SDK1: variants seen among roughly 807,000 people sequenced by gnomAD.
The protein encoded by SDK1 is protein sidekick-1.
Under a neutral mutation model 245.5 loss-of-function variants are expected in SDK1, and 157 were observed. The ratio of observed to expected loss-of-function variants is 0.64; its 90% CI spans 0.56 to 0.73. The LOEUF is 0.73. Ranked by LOEUF, SDK1 falls within the 30% of genes least tolerant of loss-of-function variation. The pLI is 0.00. For missense variants in SDK1, 3,583 were observed against 3,002.3 expected (o/e 1.19, Z -4.52); for synonymous variants, 1,647 against 1,278.5 (o/e 1.29, Z -6.15).
chr7:3,893,742 C>T (rs1781520835), intron 5 of SDK1, among the ~76,000 whole-genome samples: 1 of 151,424 alleles, frequency 6.6e-6, no homozygotes, highest in South Asian at 2.1e-4. Flanking sequence ...TGCCCAGGGT[C>T]CCACATCTGT....
intron 1 of SDK1, among the ~76,000 whole-genome samples, chr7:3,474,091 G>GTTTTTTTTTTTT (rs869083123): frequency 4.6e-5 from 2 of 43,228 alleles, no homozygotes; most frequent in African/African-American, 1.0e-4. Flanking sequence ...ACCAGATGGT[G>GTTTTTTTTTTTT]TTTTTTTTTT....
intron 1 of SDK1, among the ~76,000 whole-genome samples, chr7:3,416,762 G>C (rs925726959): frequency 6.6e-6 from 1 of 152,172 alleles, no homozygotes; most frequent in African/African-American, 2.4e-5. Flanking sequence ...CTCTGGGGTT[G>C]TGTGTGACCA....
intron 36 of SDK1, among the ~76,000 whole-genome samples, chr7:4,207,356 G>A (rs1441774589): frequency 6.6e-5 from 10 of 152,176 alleles, no homozygotes; most frequent in Admixed American, 3.9e-4. Flanking sequence ...GGCACTGGTC[G>A]GAGGTAGCAG....
chr7:3,967,475 G>A, intron 10 of SDK1, 41 bp downstream of exon 10: 2 of 1,231,524 alleles, frequency 1.6e-6, no homozygotes, highest in Non-Finnish European at 2.4e-6. Context: ...GGCCCATGTA[G>A]AACATAACCT....
chr7:3,553,210 G>C (rs1174383742), intron 1 of SDK1, among the ~76,000 whole-genome samples: 1 of 152,002 alleles, frequency 6.6e-6, no homozygotes, highest in African/African-American at 2.4e-5. Flanking sequence ...AGTGATCTAA[G>C]AGCTTTAAAT....
At chr7:4,246,125 A>G (rs1786840758) in intron 44 of SDK1, among the ~76,000 whole-genome samples, 1 of 152,122 alleles carries the variant, frequency 6.6e-6, no homozygotes, top group African/African-American at 2.4e-5. Context: ...AGCAGTCTAG[A>G]TGCTCCAAGG....
At chr7:3,707,578 G>A (rs920508515) in intron 4 of SDK1, among the ~76,000 whole-genome samples, 2 of 152,176 alleles carry the variant, frequency 1.3e-5, no homozygotes, top group Non-Finnish European at 2.9e-5. Flanking sequence ...TTGTTCTACA[G>A]GAGTTTAAGT....
intron 5 of SDK1, among the ~76,000 whole-genome samples, chr7:3,885,807 A>C (rs928209803): frequency 1.3e-5 from 2 of 152,116 alleles, no homozygotes; most frequent in Admixed American, 1.3e-4. Flanking sequence ...TTTCCTCCCA[A>C]AGTTCAAAAT....
Position 3,995,923 on chromosome 7 carries a change from T to C in SDK1, c.2131+8601T>C, listed in dbSNP as rs1036195011. 5.3e-5 allele frequency among the ~76,000 whole-genome samples: 8 copies of C among 152,230 alleles called. No homozygotes were observed. In the East Asian group the frequency reaches 1.5e-3, roughly 29 times the overall value. On this transcript the variant is annotated intron_variant, in intron 14 of 44. Transcript: ENST00000404826. Reference sequence around the variant, plus strand: ...CATACAGAAGTGTTTGACTTTTACGTAGTTAAATCTATTGATGTTTTCCTT... The same window carrying C: ...CATACAGAAGTGTTTGACTTTTACGCAGTTAAATCTATTGATGTTTTCCTT...
At chr7:3,943,944 C>A (rs535678729) in intron 5 of SDK1, among the ~76,000 whole-genome samples, 2 of 152,116 alleles carry the variant, frequency 1.3e-5, no homozygotes, top group African/African-American at 4.8e-5. Flanking sequence ...ACCTGGCGCC[C>A]GTTGGTTGCT....
At chr7:3,778,313 G>C (rs1780624466) in intron 4 of SDK1, among the ~76,000 whole-genome samples, 1 of 152,100 alleles carries the variant, frequency 6.6e-6, no homozygotes, top group African/African-American at 2.4e-5. Context: ...GAAAAAGCAA[G>C]GTGATACTAT....
intron 1 of SDK1, among the ~76,000 whole-genome samples, chr7:3,446,159 C>T (rs1780335823): frequency 6.6e-6 from 1 of 152,070 alleles, no homozygotes; most frequent in South Asian, 2.1e-4. Context: ...TCATTTCTTT[C>T]TCAAGACATG....
chr7:4,098,366 G>A (rs940908754), intron 22 of SDK1, among the ~76,000 whole-genome samples: 3 of 152,108 alleles, frequency 2.0e-5, no homozygotes, highest in Admixed American at 6.5e-5. Flanking sequence ...ATATTTCCCC[G>A]TTCTTTCCGA....
chr7:4,042,537 A>T (rs1788709255), intron 17 of SDK1, among the ~76,000 whole-genome samples: 1 of 136,206 alleles, frequency 7.3e-6, no homozygotes, highest in Non-Finnish European at 1.5e-5. Flanking sequence ...CTGCTCAGTG[A>T]AAACCAGAAA....
In SDK1 at chr7:4,192,534, T is replaced by C. The variant is rs550108508; in HGVS notation, c.5099-13345T>C. 7.2e-5 allele frequency among the ~76,000 whole-genome samples: 11 copies of C among 152,248 alleles called. No homozygotes were observed. The East Asian group carries it at 1.7e-3, about 24-fold the overall frequency. ...TCGTGATCCACCCGCCTCGGCCTCC[T>C]GAAGTGCTGGGATTACAGGTGTGAG... On this transcript the variant is annotated intron_variant, in intron 35 of 44. Transcript: ENST00000404826.
chr7:3,521,714 G>A (rs1782946466), intron 1 of SDK1, among the ~76,000 whole-genome samples: 1 of 152,114 alleles, frequency 6.6e-6, no homozygotes, highest in South Asian at 2.1e-4. Flanking sequence ...TGATCAACTT[G>A]AACAAATAGG....
intron 28 of SDK1, among the ~76,000 whole-genome samples, chr7:4,143,804 C>G (rs754629351): frequency 6.4e-4 from 97 of 152,340 alleles, no homozygotes; most frequent in Admixed American, 2.2e-3. Context: ...CACTTTCTCG[C>G]TGGGGACCCA....
At position 4,026,079 on chromosome 7, in the gene SDK1, AC is replaced by A. The variant is rs1787323119; in HGVS notation, c.2602+8730del. ...GCGTTGGGGAGGTATGCCACTCAGC[AC>A]CCTGGACACGCCAGGCCGCAGCGCT... On this transcript the variant is annotated intron_variant, in intron 17 of 44. Coordinates refer to ENST00000404826, the MANE Select transcript of SDK1 (RefSeq NM_152744.4). The surrounding 1 kb of genome is among the most constrained non-coding windows in gnomAD (Gnocchi z 4.1). Among the ~76,000 whole-genome samples the A allele has an allele frequency of 6.6e-6, 1 of 152,198 alleles. No homozygotes were observed. Among genetic ancestry groups the A allele is most frequent in the Non-Finnish European group, 1.5e-5 (1 of 68,040 alleles).
intron 17 of SDK1, among the ~76,000 whole-genome samples, chr7:4,017,953 CTTTCCACAGCAT>C (rs1184337455): frequency 1.3e-5 from 2 of 152,156 alleles, no homozygotes; most frequent in Non-Finnish European, 2.9e-5. Flanking sequence ...GCGTGGCAGG[CTTTCCACAGCAT>C]CTGGTTCCTC....
Sources: allele counts gnomAD v4.1 joint callset (sites outside exome capture counted in the v4.1 genomes callset), GRCh38; gene constraint gnomAD v4.1.1; non-coding constraint Gnocchi (gnomAD v3.1); transcripts MANE v1.5; gene names NCBI Gene and HGNC (gene_info 2026-07-23, HGNC 2026-07-21).